Variants in C3orf33 observed in about 807,000 individuals in gnomAD.
C3orf33 encodes the protein AP-1 activity suppressor.
In C3orf33, 23 loss-of-function variants were observed where a neutral mutation model predicts 28.7. The observed-to-expected ratio is 0.80, with a 90% confidence interval of 0.58 to 1.13. The LOEUF (loss-of-function observed/expected upper bound fraction) is 1.13, where lower values mean the gene tolerates loss of function less well. C3orf33 is among the 50% of genes most tolerant of loss of function. The probability of loss-of-function intolerance (pLI) is 0.00; values close to 1 mark genes in which losing one functional copy is unlikely to be tolerated. For missense variants in C3orf33, 327 were observed against 353.4 expected, an observed-to-expected ratio of 0.93 and a Z score of 0.60; for synonymous variants, 119 against 120.5, an observed-to-expected ratio of 0.99 and a Z score of 0.08.
Position 155,770,962 on chromosome 3 carries a change from C to CTGTGTGTGTGTGTGTGTG in C3orf33, c.323-3311_323-3294dup, listed in dbSNP as rs3068982. On this transcript the variant is annotated intron_variant, in intron 3 of 4. Transcript: ENST00000340171. ...GTGCTGGGATTACAGGCATGAACCA[C>CTGTGTGTGTGTGTGTGTG]TGTGTGTGTGTGTGTGTGTGTGTGT... 3.4e-3 allele frequency among the ~76,000 whole-genome samples: 447 copies of CTGTGTGTGTGTGTGTGTG among 129,982 alleles called. 15 individuals are homozygous for CTGTGTGTGTGTGTGTGTG. The highest frequency in any genetic ancestry group is 0.012 in the African/African-American group (399 of 33,388). The allele number at this position is 129,982 out of a possible 152,430, so 85.3% of individuals were successfully genotyped here.
chr3:155,780,660 T>C (rs1750890775), intron 2 of C3orf33, among the ~76,000 whole-genome samples: 1 of 152,210 alleles, frequency 6.6e-6, no homozygotes, highest in African/African-American at 2.4e-5. Flanking sequence ...CAATATCCAT[T>C]GCTAAATCCC....
chr3:155,764,856 G>C (rs953988862), intron 4 of C3orf33, among the ~76,000 whole-genome samples: 1 of 151,750 alleles, frequency 6.6e-6, no homozygotes, highest in African/African-American at 2.4e-5. Context: ...ACTCCATCTC[G>C]GGAAAATAAA....
intron 2 of C3orf33, among the ~76,000 whole-genome samples, chr3:155,786,021 GAAAGGAAAAGGGAAAGGAAAGGAA>G (rs1276533894): frequency 7.0e-6 from 1 of 143,266 alleles, no homozygotes; most frequent in Non-Finnish European, 1.5e-5. Context: ...GCCTGTCTCA[GAAAGGAAAAGGGAAAGGAAAGGAA>G]AAAGGAAAAG....
rs912659031 is a variant in C3orf33, at chr3:155,767,538, C to T, written c.454G>A (p.Ala152Thr). The T allele has an allele frequency of 1.3e-6, 2 of 1,583,464 alleles. No homozygotes were observed. Among genetic ancestry groups the T allele is most frequent in the Non-Finnish European group, 1.7e-6 (2 of 1,161,580 alleles). The change falls in exon 4 of 5, where the codon GCA (alanine) becomes ACA (threonine). Residue 152 changes from alanine to threonine, a missense_variant. Physicochemically the swap from Ala to Thr is moderately conservative, Grantham distance 58 (BLOSUM62 0). Coordinates refer to ENST00000340171, the MANE Select transcript of C3orf33 (RefSeq NM_001308229.2). ...CTCACCAGAAGATAGCAAAAGAGTG[C>T]TGAATTCTCCTTTCCAAGAAGTTGG... is the stretch of plus-strand genomic sequence containing the variant. ...WFQLLGKENSALFCYLLVSKG... is the reference protein window; with the variant it reads ...WFQLLGKENSTLFCYLLVSKG...
At position 155,767,633 on chromosome 3, in the gene C3orf33, C is replaced by G; in HGVS notation, c.359G>C (p.Gly120Ala). ...PRGALLVKLAGVELAETGKAW... is the reference protein window; with the variant it reads ...PRGALLVKLAAVELAETGKAW... ...CTTCCCAGTTTCAGCGAGTTCTACT[C>G]CAGCCAACTTAACCAGCAAAGCACC... The change falls in exon 4 of 5, where the codon GGA becomes GCA. Residue 120 changes from glycine to alanine, a missense_variant. By Grantham distance (60) the Gly-to-Ala change is moderately conservative. Transcript: ENST00000340171. 5 of 1,579,932 alleles carry G rather than the reference C, an allele frequency of 3.2e-6. No homozygotes were observed. Among genetic ancestry groups the G allele is most frequent in the Non-Finnish European group, 4.3e-6 (5 of 1,159,270 alleles).
intron 4 of C3orf33, among the ~76,000 whole-genome samples, chr3:155,767,055 C>T (rs1185617295): frequency 6.6e-6 from 1 of 152,106 alleles, no homozygotes; most frequent in Non-Finnish European, 1.5e-5. Context: ...GAGATCGAGA[C>T]CATCCTGGCC....
chr3:155,804,232 G>A (rs1751751369), intron 1 of C3orf33: 1 of 381,842 alleles, frequency 2.6e-6, no homozygotes, highest in African/African-American at 2.2e-5. Flanking sequence ...CATACTCTGG[G>A]TTCTGTGATT....
At chr3:155,765,783 A>G (rs1750385044) in intron 4 of C3orf33, among the ~76,000 whole-genome samples, 1 of 152,130 alleles carries the variant, frequency 6.6e-6, no homozygotes, top group Admixed American at 6.5e-5. Context: ...CCTCACCTCA[A>G]GTGAACTGCT....
intron 2 of C3orf33, among the ~76,000 whole-genome samples, chr3:155,780,414 T>G (rs1419334841): frequency 2.0e-5 from 3 of 152,280 alleles, no homozygotes; most frequent in Non-Finnish European, 4.4e-5. Context: ...CTCCTTTAAG[T>G]ATCTACTTTG....
intron 3 of C3orf33, among the ~76,000 whole-genome samples, 184 bp from the exon 4 acceptor site, chr3:155,767,853 AAC>A (rs1750462600): frequency 6.6e-6 from 1 of 152,184 alleles, no homozygotes; most frequent in Non-Finnish European, 1.5e-5. Context: ...AAGTATATAT[AAC>A]ACAGTAATTT....
At chr3:155,804,942 T>A (rs778637883) in intron 1 of C3orf33, among the ~76,000 whole-genome samples, 1 of 152,132 alleles carries the variant, frequency 6.6e-6, no homozygotes, top group Non-Finnish European at 1.5e-5. Context: ...CATGTACGTG[T>A]CCAAAAAGTT....
intron 2 of C3orf33, among the ~76,000 whole-genome samples, chr3:155,776,131 A>G (rs1750739688): frequency 6.6e-6 from 1 of 152,204 alleles, no homozygotes; most frequent in Non-Finnish European, 1.5e-5. Flanking sequence ...AATTCATCAA[A>G]AGACATTGAG....
intron 2 of C3orf33, among the ~76,000 whole-genome samples, chr3:155,790,310 T>C (rs1341732641): frequency 7.1e-6 from 1 of 140,064 alleles, no homozygotes; most frequent in South Asian, 2.2e-4. Flanking sequence ...ACTCAAGAGC[T>C]AAAACTATAA....
At chr3:155,775,951 G>T (rs1246961499) in intron 2 of C3orf33, 103 bp from the exon 3 acceptor site, 5 of 813,066 alleles carry the variant, frequency 6.1e-6, no homozygotes, top group African/African-American at 1.8e-5. Flanking sequence ...ACATAACCAT[G>T]AACATTTTAA....
At chr3:155,798,400 T>C (rs1185497061) in intron 2 of C3orf33, among the ~76,000 whole-genome samples, 1 of 152,146 alleles carries the variant, frequency 6.6e-6, no homozygotes, top group Non-Finnish European at 1.5e-5. Flanking sequence ...TAAAATGGCA[T>C]GGTACTGGCA....
chr3:155,786,382 A>G (rs1431720248), intron 2 of C3orf33, among the ~76,000 whole-genome samples: 4 of 152,208 alleles, frequency 2.6e-5, no homozygotes, highest in Non-Finnish European at 5.9e-5. Context: ...GGACTAAAAA[A>G]AGAGAGAAAG....
chr3:155,783,296 A>G (rs1368741640), intron 2 of C3orf33, among the ~76,000 whole-genome samples: 4 of 151,858 alleles, frequency 2.6e-5, no homozygotes, highest in South Asian at 2.1e-4. Context: ...CTGGGATTAC[A>G]GGCGTGTGCC....
chr3:155,773,763 T>C (rs764340647), intron 3 of C3orf33, among the ~76,000 whole-genome samples: 40 of 152,328 alleles, frequency 2.6e-4, no homozygotes, highest in Non-Finnish European at 4.7e-4. Flanking sequence ...ATGATCTGGC[T>C]GGCTAAGCTC....
rs1168920093 is a variant in C3orf33 at position 155,806,141 on chromosome 3, G to T, written c.112C>A (p.Arg38=). ...CCCAGACTGCGTGGCCCCAGTACCC[G>T]GACTAGGCGCAGGTGGTCGTCTGCC... ...QWADDHLRLV[R]NISTGMAIAG... is the part of the protein sequence containing the mutation. The change falls in exon 1 of 5, where the codon CGG becomes AGG. Residue 38 remains arginine, a splice_region_variant and synonymous_variant. Transcript: ENST00000340171. 2 of 1,460,220 alleles carry T rather than the reference G, an allele frequency of 1.4e-6. No individual in the cohort carries two copies. The highest frequency in any genetic ancestry group is 5.4e-5 in the East Asian group (2 of 37,082). The allele number at this position is 1,460,220 out of a possible 1,614,324, so 90.5% of individuals were successfully genotyped here.
Sources: gnomAD v4.1 joint callset for allele counts (sites outside exome capture counted in the v4.1 genomes callset) on GRCh38, gnomAD v4.1.1 for gene constraint, MANE v1.5 for transcripts, NCBI Gene and HGNC (gene_info 2026-07-23, HGNC 2026-07-21) for gene names.